Variants in ADAMTS17 observed in about 807,000 individuals in gnomAD.
ADAMTS17 encodes the protein ADAM metallopeptidase with thrombospondin type 1 motif 17.
A neutral mutation model predicts 141.5 loss-of-function variants in ADAMTS17; 113 were observed. That is an observed-to-expected ratio of 0.80 (90% CI 0.69 to 0.93). The LOEUF is 0.93. Ranked by LOEUF, ADAMTS17 falls within the 40% of genes least tolerant of loss-of-function variation. The pLI, the probability that ADAMTS17 is intolerant of heterozygous loss-of-function variation, is 0.00. For missense variants in ADAMTS17, 1,659 were observed against 1,517.9 expected, an observed-to-expected ratio of 1.09 and a Z score of -1.54; for synonymous variants, 768 against 630.6, an observed-to-expected ratio of 1.22 and a Z score of -3.27.
At chr15:100,279,475 T>C (rs1398531742) in intron 4 of ADAMTS17, among the ~76,000 whole-genome samples, 1 of 152,328 alleles carries the variant, frequency 6.6e-6, no homozygotes, top group East Asian at 1.9e-4. Flanking sequence ...GTGTCCCCAC[T>C]GAAAACTCAG....
At chr15:100,206,482 G>A (rs2041567615) in intron 7 of ADAMTS17, among the ~76,000 whole-genome samples, 1 of 152,162 alleles carries the variant, frequency 6.6e-6, no homozygotes, top group Non-Finnish European at 1.5e-5. Context: ...GCACTGCTTG[G>A]CGCCTATTTC....
intron 8 of ADAMTS17, among the ~76,000 whole-genome samples, chr15:100,192,296 T>C (rs993843741): frequency 6.6e-6 from 1 of 152,188 alleles, no homozygotes; most frequent in Non-Finnish European, 1.5e-5. Context: ...CCATGATTGC[T>C]AAGCAGGAAC....
At chr15:99,977,349 CATAT>C (rs71151927) in intron 20 of ADAMTS17, among the ~76,000 whole-genome samples, 71 of 30,318 alleles carry the variant, frequency 2.3e-3, no homozygotes, top group East Asian at 7.6e-3. Context: ...CCCTCCTCTT[CATAT>C]ATATATATAT....
chr15:100,283,420 A>G lies in ADAMTS17; in HGVS notation c.617-2019T>C, dbSNP rs531566811. Among the ~76,000 whole-genome samples the G allele has an allele frequency of 4.6e-5, 7 of 152,298 alleles. No individual in the cohort carries two copies. The South Asian group carries it at 1.5e-3, about 32-fold the overall frequency. ...TCACCTGACCAGCCTGGAATCTATG[A>G]AGATTCCTTCCTTGTTTCCATTTTA... On this transcript the variant is annotated intron_variant, in intron 3 of 21. Coordinates refer to ENST00000268070, the MANE Select transcript of ADAMTS17 (RefSeq NM_139057.4).
chr15:100,321,375 A>G (rs1162650360), intron 3 of ADAMTS17, among the ~76,000 whole-genome samples: 1 of 152,246 alleles, frequency 6.6e-6, no homozygotes. Flanking sequence ...AGAAACATGA[A>G]AACACTAACT....
At chr15:100,330,497 C>A (rs150122453) in intron 3 of ADAMTS17, among the ~76,000 whole-genome samples, 36 of 152,272 alleles carry the variant, frequency 2.4e-4, no homozygotes, top group African/African-American at 7.9e-4. Context: ...TTCAGAGGCG[C>A]CCCAGGTGGC....
intron 8 of ADAMTS17, among the ~76,000 whole-genome samples, chr15:100,164,322 T>A (rs2039859718): frequency 6.6e-6 from 1 of 152,200 alleles, no homozygotes; most frequent in South Asian, 2.1e-4. Flanking sequence ...CTCTGCCTCT[T>A]GAGAAAGAAA....
At chr15:100,179,821 T>A (rs550862216) in intron 8 of ADAMTS17, among the ~76,000 whole-genome samples, 1 of 152,254 alleles carries the variant, frequency 6.6e-6, no homozygotes, top group Non-Finnish European at 1.5e-5. Flanking sequence ...CATTTGTATG[T>A]CTTCTTTTGA....
In ADAMTS17 at chr15:100,051,647, G is replaced by C. The variant is rs2032155947; in HGVS notation, c.2380C>G (p.Pro794Ala). Residue 794 changes from proline to alanine, a missense_variant, in exon 17 of 22, where the codon CCA becomes GCA. Coordinates refer to ENST00000268070, the MANE Select transcript of ADAMTS17 (RefSeq NM_139057.4). ...VNRTAENQSE[P>A]EKPQDSLFIW... ...AACAAAGAGTCCTGCGGTTTTTCTG[G>C]TTCGCTTTGATTTTCCGCAGTGCGG... 6.2e-7 allele frequency: 1 copy of C among 1,614,054 alleles called. No homozygotes were observed. The highest frequency in any genetic ancestry group is 8.5e-7 in the Non-Finnish European group (1 of 1,180,040).
At chr15:100,206,676 T>C (rs1391503136) in intron 7 of ADAMTS17, among the ~76,000 whole-genome samples, 3 of 152,130 alleles carry the variant, frequency 2.0e-5, no homozygotes, top group East Asian at 1.9e-4. Context: ...ATGTTTTGGC[T>C]AAAAATAATC....
At chr15:100,138,813 G>A (rs753050281) in intron 10 of ADAMTS17, among the ~76,000 whole-genome samples, 2 of 152,196 alleles carry the variant, frequency 1.3e-5, no homozygotes, top group African/African-American at 2.4e-5. Flanking sequence ...TGGCCGCAAT[G>A]ATCTCTGTCT....
intron 18 of ADAMTS17, among the ~76,000 whole-genome samples, chr15:100,035,587 C>A (rs1686575174): frequency 6.6e-6 from 1 of 152,076 alleles, no homozygotes; most frequent in Non-Finnish European, 1.5e-5. Context: ...TAGGATTTCA[C>A]TGACTGGGGT....
intron 4 of ADAMTS17, among the ~76,000 whole-genome samples, chr15:100,267,481 T>C (rs899074917): frequency 9.2e-5 from 14 of 152,204 alleles, no homozygotes; most frequent in Admixed American, 9.2e-4. Context: ...TTTTAATTCA[T>C]TTCTTTTTTT....
chr15:100,272,509 T>C (rs2043948612), intron 4 of ADAMTS17, among the ~76,000 whole-genome samples: 1 of 150,554 alleles, frequency 6.6e-6, no homozygotes, highest in African/African-American at 2.5e-5. Flanking sequence ...CATATAGAAA[T>C]GCAACTGATT....
intron 7 of ADAMTS17, among the ~76,000 whole-genome samples, chr15:100,239,832 A>G (rs1295881493): frequency 6.6e-6 from 1 of 152,086 alleles, no homozygotes; most frequent in Non-Finnish European, 1.5e-5. Flanking sequence ...AGGGCCTTAC[A>G]ACCCCTGGAG....
chr15:100,281,342 T>C lies in ADAMTS17; in HGVS notation c.676A>G (p.Ile226Val), dbSNP rs1163764975. 3 of 1,610,978 alleles carry C rather than the reference T, an allele frequency of 1.9e-6. No homozygotes were observed. Among genetic ancestry groups the C allele is most frequent in the East Asian group, 2.2e-5 (1 of 44,876 alleles). Residue 226 changes from isoleucine (I) to valine (V), a missense_variant, in exon 4 of 22, where the codon ATC becomes GTC. Coordinates refer to ENST00000268070, the MANE Select transcript of ADAMTS17 (RefSeq NM_139057.4). ...ACCGTGTGCTCGCTGGTGAGCCGGA[T>C]AGCGTTCCTCCGCTCCCGCCAGTCC... ...SRDWRERRNA[I>V]RLTSEHTVET...
intron 18 of ADAMTS17, among the ~76,000 whole-genome samples, chr15:100,022,571 C>G (rs1210775532): frequency 6.6e-6 from 1 of 152,180 alleles, no homozygotes; most frequent in African/African-American, 2.4e-5. Flanking sequence ...AAATGAGACA[C>G]AGTAATTAGT....
chr15:100,006,276 G>A (rs959597506), intron 18 of ADAMTS17, among the ~76,000 whole-genome samples: 5 of 152,282 alleles, frequency 3.3e-5, no homozygotes, highest in East Asian at 1.9e-4. Context: ...CAGGTTCTAC[G>A]GATTAGAATG....
intron 2 of ADAMTS17, among the ~76,000 whole-genome samples, chr15:100,332,215 G>T (rs1333191324): frequency 6.6e-6 from 1 of 152,230 alleles, no homozygotes; most frequent in Non-Finnish European, 1.5e-5. Flanking sequence ...CTGCAGGAGA[G>T]CACAGCTTTC....
Sources: allele counts gnomAD v4.1 joint callset (sites outside exome capture counted in the v4.1 genomes callset), GRCh38; gene constraint gnomAD v4.1.1; transcripts MANE v1.5; gene names NCBI Gene and HGNC (gene_info 2026-07-23, HGNC 2026-07-21).